Variants in PRPF39 observed in about 807,000 individuals in gnomAD.
PRPF39 encodes the protein pre-mRNA-processing factor 39.
PRPF39 carries 27 observed loss-of-function variants against 82.1 expected under a neutral mutation model. The observed-to-expected ratio is 0.33, with a 90% CI of 0.24 to 0.45. The LOEUF is 0.45. Ranked by LOEUF, PRPF39 falls within the 20% of genes least tolerant of loss-of-function variation. The pLI is 1.00. For synonymous variants in PRPF39, 261 were observed against 256.4 expected (o/e 1.02, Z -0.17); for missense variants, 581 against 796.9 (o/e 0.73, Z 3.26).
intron 1 of PRPF39, among the ~76,000 whole-genome samples, chr14:45,086,852 T>G (rs995345849): frequency 4.0e-5 from 6 of 149,786 alleles, no homozygotes; most frequent in Admixed American, 4.0e-4. Flanking sequence ...CTCAGTTTTT[T>G]TTTTTTTTTT....
chr14:45,099,121 T>G (rs914491252), intron 4 of PRPF39, among the ~76,000 whole-genome samples: 15 of 152,214 alleles, frequency 9.9e-5, no homozygotes, highest in Non-Finnish European at 2.1e-4. Flanking sequence ...TTGGGTCTGA[T>G]GTAAATGAAG....
chr14:45,110,290 GT>G lies in PRPF39; in HGVS notation c.1303+71del, dbSNP rs1467639704. On this transcript the variant is annotated intron_variant, in intron 9 of 13. Transcript: ENST00000355765. This position sits in a 1 kb window ranked among gnomAD's most constrained non-coding sequence, Gnocchi z 4.0. The stretch of plus-strand genomic sequence containing the variant: ...ATTTCAGGAAACAGTGACAAATTGA[GT>G]GGTAAGGGATGGTGTAAAGCAGAGT... The G allele has an allele frequency of 6.3e-7, 1 of 1,581,458 alleles. No individual in the cohort carries two copies. Among genetic ancestry groups the G allele is most frequent in the Non-Finnish European group, 8.6e-7 (1 of 1,157,288 alleles).
At chr14:45,091,823 T>C (rs886219970) in intron 1 of PRPF39, among the ~76,000 whole-genome samples, 7 of 152,360 alleles carry the variant, frequency 4.6e-5, no homozygotes, top group African/African-American at 1.7e-4. Flanking sequence ...GACAGTCTCA[T>C]GCACTGTTGA....
In PRPF39 at chr14:45,109,600, T is replaced by TA. The variant is rs773620020; in HGVS notation, c.1012-15dup. ...TATTGGTTTACTTTCATTGGCATGT[T>TA]ACAATTTCATTTCAGATTAAAAGAC... On this transcript the variant is annotated splice_polypyrimidine_tract_variant and intron_variant, in intron 7 of 13. Transcript: ENST00000355765. 1 of 1,589,828 alleles carries TA rather than the reference T, an allele frequency of 6.3e-7. No homozygotes were observed. The highest frequency in any genetic ancestry group is 8.6e-7 in the Non-Finnish European group (1 of 1,167,624).
chr14:45,088,926 A>G (rs573090176), intron 1 of PRPF39, among the ~76,000 whole-genome samples: 6 of 152,346 alleles, frequency 3.9e-5, no homozygotes, highest in Admixed American at 3.9e-4. Context: ...CATTTGAAGA[A>G]AGGTTCAAGA....
At position 45,104,307 on chromosome 14, in the gene PRPF39, T is replaced by C. The variant is rs113468711; in HGVS notation, c.737+1611T>C. Among the ~76,000 whole-genome samples, 478 of 152,350 alleles carry C rather than the reference T, an allele frequency of 3.1e-3. 5 individuals are homozygous for C. Among genetic ancestry groups the C allele is most frequent in the African/African-American group, 0.011 (459 of 41,594 alleles). On this transcript the variant is annotated intron_variant, in intron 5 of 13. Coordinates refer to ENST00000355765, the MANE Select transcript of PRPF39 (RefSeq NM_017922.4). The stretch of plus-strand genomic sequence containing the variant: ...GATCTATAATCTGATATTTTTCACT[T>C]AATGCATTTAGAACCACTTTCCTTA...
chr14:45,104,711 A>G (rs1191439967), intron 5 of PRPF39, among the ~76,000 whole-genome samples: 3 of 152,206 alleles, frequency 2.0e-5, no homozygotes, highest in Non-Finnish European at 4.4e-5. Context: ...GATAATGTCT[A>G]ATTTAAATCC....
chr14:45,095,840 T>C, intron 2 of PRPF39: 1 of 481,862 alleles, frequency 2.1e-6, no homozygotes, highest in South Asian at 5.1e-5. Flanking sequence ...AATTAGTTCC[T>C]TCTGTTTCAA....
In PRPF39 at chr14:45,095,536, A is replaced by C; in HGVS notation, c.297A>C (p.Val99=). The C allele has an allele frequency of 6.2e-7, 1 of 1,607,394 alleles. No homozygotes were observed. Among genetic ancestry groups the C allele is most frequent in the Admixed American group, 1.7e-5 (1 of 58,658 alleles). The change falls in exon 2 of 14, where the codon GTA becomes GTC. Residue 99 remains valine (V), a synonymous_variant. Transcript: ENST00000355765. ...ATCCTCAGGATTTTACAGGCTGGGT[A>C]TATTTGCTTCAATATGTAGAACAGG... ...ENNPQDFTGW[V]YLLQYVEQEN...
At chr14:45,092,397 T>TCA (rs1884058762) in intron 1 of PRPF39, among the ~76,000 whole-genome samples, 1 of 151,766 alleles carries the variant, frequency 6.6e-6, no homozygotes, top group Non-Finnish European at 1.5e-5. Flanking sequence ...GGTCAGGAGA[T>TCA]CAAGACCATT....
intron 1 of PRPF39, among the ~76,000 whole-genome samples, chr14:45,086,188 G>T (rs1331443356): frequency 6.6e-6 from 1 of 152,098 alleles, no homozygotes; most frequent in African/African-American, 2.4e-5. Context: ...TGATCTGCCT[G>T]CCTCGGCCTC....
At chr14:45,105,432 T>C (rs1884497541) in intron 5 of PRPF39, among the ~76,000 whole-genome samples, 1 of 152,162 alleles carries the variant, frequency 6.6e-6, no homozygotes, top group South Asian at 2.1e-4. Context: ...CAATCTTTGT[T>C]AATTTTTTTC....
chr14:45,087,391 A>G (rs1883865760), intron 1 of PRPF39, among the ~76,000 whole-genome samples: 1 of 151,718 alleles, frequency 6.6e-6, no homozygotes. Context: ...GAGCCACTGC[A>G]TGGGTGGCCC....
chr14:45,115,119 T>C lies in PRPF39; in HGVS notation c.*206T>C, dbSNP rs1315483120. ...GTTTCCTACCATTTATAAAATTTAC[T>C]TTTTATTGAAAAACTATTTTTTGAT... On this transcript the variant is annotated 3_prime_UTR_variant, in exon 14 of 14. Coordinates refer to ENST00000355765, the MANE Select transcript of PRPF39 (RefSeq NM_017922.4). 7 of 362,496 alleles carry C rather than the reference T, an allele frequency of 1.9e-5. No homozygotes were observed. Among genetic ancestry groups the C allele is most frequent in the Non-Finnish European group, 3.0e-5 (6 of 199,880 alleles). The allele number at this position is 362,496 out of a possible 1,614,324, so 22.5% of individuals were successfully genotyped here.
chr14:45,107,708 C>T lies in PRPF39; in HGVS notation c.903+92C>T, dbSNP rs1884578907. The T allele has an allele frequency of 2.3e-6, 3 of 1,291,030 alleles. No homozygotes were observed. The African/African-American group carries it at 4.5e-5, about 19-fold the overall frequency. The allele number at this position is 1,291,030 out of a possible 1,614,324, so 80.0% of individuals were successfully genotyped here. A position where few individuals can be genotyped will look rare whatever the true frequency, so the allele number is the denominator to read the frequency against. On this transcript the variant is annotated intron_variant, in intron 6 of 13. Transcript: ENST00000355765. Reference sequence around the variant, plus strand: ...CTTTGGGAGGCCAAGGTAGGCGGGTCACCTGAGGTCCGGAGTTTGAGACCC... The same window carrying T: ...CTTTGGGAGGCCAAGGTAGGCGGGTTACCTGAGGTCCGGAGTTTGAGACCC...
At chr14:45,106,933 G>A (rs766139241) in intron 5 of PRPF39, among the ~76,000 whole-genome samples, 39 of 152,096 alleles carry the variant, frequency 2.6e-4, no homozygotes, top group African/African-American at 2.2e-4. Flanking sequence ...GGATTTTTGC[G>A]TACTCACATG....
At chr14:45,107,641 G>A (rs182488970) in intron 6 of PRPF39, 25 bp downstream of exon 6, 240 of 1,544,574 alleles carry the variant, frequency 1.6e-4, no homozygotes, top group Middle Eastern at 1.0e-3. Context: ...TCTAAAGTTC[G>A]TCAGTGGCCA....
In PRPF39 at chr14:45,095,281, T is replaced by C. The variant is rs747441740; in HGVS notation, c.42T>C (p.Asn14=). Residue 14 remains asparagine, a synonymous_variant, in exon 2 of 14, where the codon AAT becomes AAC. Coordinates refer to ENST00000355765, the MANE Select transcript of PRPF39 (RefSeq NM_017922.4). ...TGGATGAATACAGAAATTCTAGTAATGGCAGCACAGGCAACAGTTCAGAGG... is the reference window on the plus strand; with the variant it reads ...TGGATGAATACAGAAATTCTAGTAACGGCAGCACAGGCAACAGTTCAGAGG... ...SHMDEYRNSS[N]GSTGNSSEVV... The C allele has an allele frequency of 1.2e-6, 2 of 1,609,738 alleles. No homozygotes were observed. Among genetic ancestry groups the C allele is most frequent in the Admixed American group, 1.7e-5 (1 of 59,894 alleles).
intron 2 of PRPF39, chr14:45,095,816 TA>T: frequency 3.8e-6 from 2 of 521,756 alleles, no homozygotes; most frequent in Non-Finnish European, 6.0e-6. Context: ...ATTGCTGAAA[TA>T]AAAAGTTGGC....
Sources: gnomAD v4.1 joint callset for allele counts (sites outside exome capture counted in the v4.1 genomes callset) on GRCh38, gnomAD v4.1.1 for gene constraint, Gnocchi (gnomAD v3.1) non-coding constraint, MANE v1.5 for transcripts, NCBI Gene and HGNC (gene_info 2026-07-23, HGNC 2026-07-21) for gene names.